RCAN3: variants seen among roughly 807,000 people sequenced by gnomAD.
The protein encoded by RCAN3 is calcipressin-3.
In RCAN3, 19 loss-of-function variants were observed where a neutral mutation model predicts 21.9. The ratio of observed to expected loss-of-function variants is 0.87; its 90% CI spans 0.61 to 1.27. The LOEUF (loss-of-function observed/expected upper bound fraction) is 1.27, where lower values mean the gene tolerates loss of function less well. Ranked by LOEUF, RCAN3 falls within the 50% of genes most tolerant of loss-of-function variation. The pLI is 0.00. For missense variants in RCAN3, 240 were observed against 300.1 expected (o/e 0.80, Z 1.48); for synonymous variants, 114 against 112.3 (o/e 1.01, Z -0.09).
chr1:24,516,145 GA>G (rs966153174), intron 2 of RCAN3, among the ~76,000 whole-genome samples: 7 of 146,124 alleles, frequency 4.8e-5, no homozygotes, highest in African/African-American at 1.0e-4. Context: ...TCAGTCTCAA[GA>G]AAAAAAAAAG....
intron 2 of RCAN3, among the ~76,000 whole-genome samples, chr1:24,517,582 T>G (rs1224128282): frequency 6.6e-6 from 1 of 152,224 alleles, no homozygotes; most frequent in East Asian, 1.9e-4. Flanking sequence ...ATAACAGCAG[T>G]TCAGCGGACT....
At chr1:24,504,658 G>C (rs1372892543) in intron 1 of RCAN3, among the ~76,000 whole-genome samples, 2 of 152,152 alleles carry the variant, frequency 1.3e-5, no homozygotes, top group African/African-American at 2.4e-5. Flanking sequence ...AGTGTGACGC[G>C]GAAATCCATT....
intron 4 of RCAN3, among the ~76,000 whole-genome samples, chr1:24,534,589 A>G (rs1484365700): frequency 1.3e-5 from 2 of 151,606 alleles, no homozygotes; most frequent in East Asian, 3.9e-4. Context: ...CCTGGGCGAC[A>G]GAGCAAGACT....
chr1:24,528,037 A>G (rs1649412277), intron 2 of RCAN3, among the ~76,000 whole-genome samples: 1 of 152,136 alleles, frequency 6.6e-6, no homozygotes, highest in South Asian at 2.1e-4. Flanking sequence ...TATTCTTCCA[A>G]TGCTTTTCAC....
intron 2 of RCAN3, among the ~76,000 whole-genome samples, chr1:24,516,887 T>G (rs1648365444): frequency 6.6e-6 from 1 of 152,192 alleles, no homozygotes; most frequent in Non-Finnish European, 1.5e-5. Context: ...GCTATTTGCT[T>G]TCCCAAGTTC....
intron 2 of RCAN3, among the ~76,000 whole-genome samples, chr1:24,519,293 C>T (rs1314783301): frequency 6.6e-6 from 1 of 151,688 alleles, no homozygotes; most frequent in Non-Finnish European, 1.5e-5. Context: ...CTCAAGCGAT[C>T]CTCCTACCTC....
At chr1:24,505,240 T>C (rs1270296129) in intron 1 of RCAN3, among the ~76,000 whole-genome samples, 4 of 142,392 alleles carry the variant, frequency 2.8e-5, no homozygotes, top group Admixed American at 6.9e-5. Flanking sequence ...TTCTTTTTTT[T>C]TTTTTTTTTT....
Position 24,514,620 on chromosome 1 carries a change from G to A in RCAN3, c.195+53G>A, listed in dbSNP as rs1648147553. On this transcript the variant is annotated intron_variant, in intron 2 of 4. Coordinates refer to ENST00000374395, the MANE Select transcript of RCAN3 (RefSeq NM_013441.4). ...ATTTGTAGCATGTTAAATGTGTATGGATTTGGGGAAACAGAGCTTGACTGG... is the reference window on the plus strand; with the variant it reads ...ATTTGTAGCATGTTAAATGTGTATGAATTTGGGGAAACAGAGCTTGACTGG... 7.1e-6 allele frequency: 11 copies of A among 1,539,324 alleles called. 1 individual carries two copies. The Admixed American group carries it at 1.5e-4, about 20-fold the overall frequency.
chr1:24,518,854 A>C (rs1183697145), intron 2 of RCAN3, among the ~76,000 whole-genome samples: 1 of 151,284 alleles, frequency 6.6e-6, no homozygotes, highest in African/African-American at 2.4e-5. Flanking sequence ...GCTCAGTGCA[A>C]CCTCTGCCTC....
At chr1:24,515,866 C>T (rs1226938329) in intron 2 of RCAN3, among the ~76,000 whole-genome samples, 3 of 152,072 alleles carry the variant, frequency 2.0e-5, no homozygotes, top group African/African-American at 7.2e-5. Context: ...TGAAAGTGGC[C>T]GGGCGTGGTG....
Position 24,536,707 on chromosome 1 carries a change from C to T in RCAN3, c.*1430C>T, listed in dbSNP as rs1295280625. The T allele has an allele frequency of 6.6e-6, 1 of 152,126 alleles. No individual in the cohort carries two copies. The highest frequency in any genetic ancestry group is 1.5e-5 in the Non-Finnish European group (1 of 68,024). 9.4% of individuals were successfully genotyped at this position (152,126 alleles called of 1,614,324 possible). A position where few individuals can be genotyped will look rare whatever the true frequency, so the allele number is the denominator to read the frequency against. On this transcript the variant is annotated 3_prime_UTR_variant, in exon 5 of 5. Transcript: ENST00000374395. ...CCACCAGGAAGGAACAGAACGCAGG[C>T]ATTCAACCATGACGTCTGCACAGTG...
intron 1 of RCAN3, among the ~76,000 whole-genome samples, chr1:24,503,626 C>G (rs77890233): frequency 0.015 from 2,242 of 152,302 alleles, 55 homozygotes; most frequent in African/African-American, 0.049. Context: ...TGCTTCTGTC[C>G]GCCGCCTGGA....
intron 2 of RCAN3, among the ~76,000 whole-genome samples, chr1:24,515,535 C>G (rs1000149341): frequency 3.3e-5 from 5 of 151,918 alleles, no homozygotes; most frequent in African/African-American, 1.2e-4. Context: ...AGTAAAATAG[C>G]TCTGCCACTG....
intron 2 of RCAN3, among the ~76,000 whole-genome samples, chr1:24,517,486 G>A: frequency 6.6e-6 from 1 of 152,046 alleles, no homozygotes; most frequent in East Asian, 1.9e-4. Context: ...AAAAGGGTGG[G>A]TCCTTGTTGG....
At chr1:24,531,470 A>G (rs114886908) in intron 3 of RCAN3, 79 bp downstream of exon 3, 821 of 1,095,796 alleles carry the variant, frequency 7.5e-4, no homozygotes, top group Non-Finnish European at 9.5e-4. Context: ...ACCGTTTTCT[A>G]TATTATTATA....
chr1:24,529,110 A>G (rs192248894), intron 2 of RCAN3, among the ~76,000 whole-genome samples: 20 of 152,332 alleles, frequency 1.3e-4, no homozygotes, highest in Non-Finnish European at 2.4e-4. Context: ...AAGGGAAATT[A>G]GAGAGTATTT....
chr1:24,503,724 G>C (rs759825319), intron 1 of RCAN3, among the ~76,000 whole-genome samples: 1 of 152,254 alleles, frequency 6.6e-6, no homozygotes, highest in Non-Finnish European at 1.5e-5. Flanking sequence ...TAGGATTCTA[G>C]TGTAGGAAGC....
At position 24,525,837 on chromosome 1, in the gene RCAN3, G is replaced by T. The variant is rs1029915618; in HGVS notation, c.196-5381G>T. Among the ~76,000 whole-genome samples the T allele has an allele frequency of 6.6e-6, 1 of 152,096 alleles. No homozygotes were observed. Among genetic ancestry groups the T allele is most frequent in the Non-Finnish European group, 1.5e-5 (1 of 68,020 alleles). On this transcript the variant is annotated intron_variant, in intron 2 of 4. Transcript: ENST00000374395. The surrounding 1 kb of genome is among the most constrained non-coding windows in gnomAD (Gnocchi z 4.1). ...CAGGGGCAGCCTCAGGAATCTACATGGGGATGTCTGTGGACTCACAGAAGG... is the reference window on the plus strand; with the variant it reads ...CAGGGGCAGCCTCAGGAATCTACATTGGGATGTCTGTGGACTCACAGAAGG...
At chr1:24,531,449 A>T in intron 3 of RCAN3, 58 bp downstream of exon 3, 1 of 1,320,880 alleles carries the variant, frequency 7.6e-7, no homozygotes, top group Non-Finnish European at 1.0e-6. Flanking sequence ...ATCCAAAAAT[A>T]TTTTTATTTC....
Sources: allele counts gnomAD v4.1 joint callset (sites outside exome capture counted in the v4.1 genomes callset), GRCh38; gene constraint gnomAD v4.1.1; non-coding constraint Gnocchi (gnomAD v3.1); transcripts MANE v1.5; gene names NCBI Gene and HGNC (gene_info 2026-07-23, HGNC 2026-07-21).